The following DYM variants were observed in gnomAD, a reference collection of about 807,000 sequenced individuals.
DYM encodes dymeclin.
DYM carries 78 observed loss-of-function variants against 93.1 expected under a neutral mutation model. The ratio of observed to expected loss-of-function variants is 0.84; its 90% CI spans 0.70 to 1.01. DYM has a LOEUF of 1.01. Among genes scored for constraint, DYM ranks in the 50% least tolerant of loss-of-function variants. The probability of loss-of-function intolerance (pLI) is 0.00; values close to 1 mark genes in which losing one functional copy is unlikely to be tolerated. For missense variants in DYM, 789 were observed against 845.0 expected, an observed-to-expected ratio of 0.93 and a Z score of 0.82; for synonymous variants, 321 against 319.7, an observed-to-expected ratio of 1.00 and a Z score of -0.04.
intron 14 of DYM, among the ~76,000 whole-genome samples, chr18:49,188,842 TA>T (rs1247289597): frequency 2.0e-5 from 3 of 151,710 alleles, no homozygotes; most frequent in Non-Finnish European, 2.9e-5. Flanking sequence ...AGTATAATAA[TA>T]AAAAAAAGAA....
chr18:49,259,077 A>T (rs1432724726), intron 11 of DYM, among the ~76,000 whole-genome samples: 1 of 152,094 alleles, frequency 6.6e-6, no homozygotes, highest in Non-Finnish European at 1.5e-5. Flanking sequence ...TCCGTGACTC[A>T]AGGAGAGTCA....
chr18:49,433,786 T>C (rs1250881938), intron 1 of DYM, among the ~76,000 whole-genome samples: 1 of 152,120 alleles, frequency 6.6e-6, no homozygotes, highest in Non-Finnish European at 1.5e-5. Context: ...GAGAATCACC[T>C]GAACCTGGGA....
At chr18:49,254,412 T>C (rs1358971057) in intron 13 of DYM, among the ~76,000 whole-genome samples, 1 of 151,728 alleles carries the variant, frequency 6.6e-6, no homozygotes, top group Admixed American at 6.6e-5. Context: ...ATTTTGATAC[T>C]TCTTGCATTG....
intron 15 of DYM, among the ~76,000 whole-genome samples, chr18:49,122,361 A>G (rs2082455604): frequency 1.3e-5 from 2 of 152,076 alleles, no homozygotes; most frequent in Non-Finnish European, 2.9e-5. Flanking sequence ...TTTAAAACTC[A>G]CTACCTGAAA....
At chr18:49,306,694 C>G (rs2061296675) in intron 8 of DYM, among the ~76,000 whole-genome samples, 1 of 152,168 alleles carries the variant, frequency 6.6e-6, no homozygotes, top group South Asian at 2.1e-4. Flanking sequence ...CTTCTAACTT[C>G]TCGATTCATA....
intron 17 of DYM, among the ~76,000 whole-genome samples, chr18:49,093,483 G>T (rs968850255): frequency 1.3e-5 from 2 of 152,180 alleles, no homozygotes; most frequent in Non-Finnish European, 2.9e-5. Context: ...CCAATTAGGA[G>T]TTTATAGCAA....
chr18:49,274,479 A>G (rs568499187), intron 10 of DYM, among the ~76,000 whole-genome samples: 2 of 152,144 alleles, frequency 1.3e-5, no homozygotes, highest in African/African-American at 4.8e-5. Flanking sequence ...TCCTGCAGAC[A>G]TATACTCATT....
At chr18:49,367,234 A>G (rs550386699) in intron 5 of DYM, among the ~76,000 whole-genome samples, 1 of 152,302 alleles carries the variant, frequency 6.6e-6, no homozygotes, top group South Asian at 2.1e-4. Flanking sequence ...AATATAAGCT[A>G]TTATCATCCG....
At chr18:49,291,437 G>T (rs937277099) in intron 8 of DYM, among the ~76,000 whole-genome samples, 3 of 152,084 alleles carry the variant, frequency 2.0e-5, no homozygotes, top group Non-Finnish European at 4.4e-5. Flanking sequence ...CTTTTTAAAT[G>T]ATTACTGAAA....
intron 17 of DYM, among the ~76,000 whole-genome samples, chr18:49,087,598 T>C (rs2078660801): frequency 6.6e-6 from 1 of 152,234 alleles, no homozygotes; most frequent in Non-Finnish European, 1.5e-5. Context: ...AAGGCCTTTA[T>C]AGCAGCATGA....
intron 6 of DYM, among the ~76,000 whole-genome samples, chr18:49,355,424 C>G (rs1490506446): frequency 6.6e-6 from 1 of 151,890 alleles, no homozygotes; most frequent in Non-Finnish European, 1.5e-5. Flanking sequence ...ATACAATTGA[C>G]AGATACAATT....
intron 1 of DYM, among the ~76,000 whole-genome samples, chr18:49,444,511 G>A (rs940143150): frequency 4.6e-5 from 7 of 152,134 alleles, no homozygotes; most frequent in Non-Finnish European, 7.4e-5. Flanking sequence ...TAAGTCACAA[G>A]TCATGTCAAG....
rs976248171 is a variant in DYM at position 49,056,769 on chromosome 18, G to C, written c.2026-12565C>G. 6.6e-5 allele frequency among the ~76,000 whole-genome samples: 10 copies of C among 151,404 alleles called. No homozygotes were observed. The South Asian group carries it at 1.5e-3, about 22-fold the overall frequency. The stretch of plus-strand genomic sequence containing the variant: ...TCACCATGTTAGCCAGGATGGTCTC[G>C]ATCTCCTGACCTCATGATCCGCCCA... On this transcript the variant is annotated intron_variant, in intron 17 of 17. Coordinates refer to ENST00000675505, the MANE Select transcript of DYM (RefSeq NM_001353214.3).
rs576737073 is a variant in DYM at position 49,079,138 on chromosome 18, C to G, written c.2025+18264G>C. On this transcript the variant is annotated intron_variant, in intron 17 of 17. Coordinates refer to ENST00000675505, the MANE Select transcript of DYM (RefSeq NM_001353214.3). ...TCCATTTGGCCCTTTTTAATTGTTTCTATTTCTCGGCTGAGACATCTCCTT... is the reference window on the plus strand; with the variant it reads ...TCCATTTGGCCCTTTTTAATTGTTTGTATTTCTCGGCTGAGACATCTCCTT... 1.2e-4 allele frequency among the ~76,000 whole-genome samples: 18 copies of G among 152,210 alleles called. No individual in the cohort carries two copies. In the South Asian group the frequency reaches 3.7e-3, roughly 32 times the overall value.
chr18:49,248,849 C>CA (rs367924315), intron 13 of DYM, among the ~76,000 whole-genome samples: 4 of 152,294 alleles, frequency 2.6e-5, no homozygotes, highest in African/African-American at 7.2e-5. Context: ...ATAATTTCCA[C>CA]ATACCATGTA....
chr18:49,180,169 TA>T (rs1314205504), intron 14 of DYM, among the ~76,000 whole-genome samples: 3 of 152,124 alleles, frequency 2.0e-5, no homozygotes, highest in Non-Finnish European at 2.9e-5. Flanking sequence ...AAATATTTAT[TA>T]AGCTAGAATA....
chr18:49,368,104 C>T (rs1036198942), intron 5 of DYM, among the ~76,000 whole-genome samples: 1 of 152,114 alleles, frequency 6.6e-6, no homozygotes, highest in Non-Finnish European at 1.5e-5. Context: ...CAGTGCACTA[C>T]AGTATTTATA....
At position 49,319,547 on chromosome 18, in the gene DYM, G is replaced by A. The variant is rs142425827; in HGVS notation, c.763+12317C>T. Among the ~76,000 whole-genome samples, 1,440 of 152,268 alleles carry A rather than the reference G, an allele frequency of 9.5e-3. 14 individuals are homozygous for A. Among genetic ancestry groups the A allele is most frequent in the Non-Finnish European group, 0.015 (988 of 68,030 alleles). ...AGAGGGAGAAAAAAAGATGAAGTAG[G>A]TGAATGGTAAACGAGTATTTGTTTT... On this transcript the variant is annotated intron_variant, in intron 8 of 17. Transcript: ENST00000675505.
intron 8 of DYM, among the ~76,000 whole-genome samples, chr18:49,325,811 T>C (rs984454829): frequency 3.3e-5 from 5 of 152,206 alleles, no homozygotes; most frequent in African/African-American, 9.7e-5. Flanking sequence ...CTGCACTCAT[T>C]GTCAGATTTA....
Sources: gnomAD v4.1 joint callset for allele counts (sites outside exome capture counted in the v4.1 genomes callset) on GRCh38, gnomAD v4.1.1 for gene constraint, MANE v1.5 for transcripts, NCBI Gene and HGNC (gene_info 2026-07-23, HGNC 2026-07-21) for gene names.